SLC25A26: variants seen among roughly 807,000 people sequenced by gnomAD.
The protein encoded by SLC25A26 is mitochondrial S-adenosylmethionine carrier protein.
Under a neutral mutation model 37.8 loss-of-function variants are expected in SLC25A26, and 36 were observed. The ratio of observed to expected loss-of-function variants is 0.95; its 90% CI spans 0.73 to 1.26. The LOEUF (loss-of-function observed/expected upper bound fraction) is 1.26. Among genes scored for constraint, SLC25A26 ranks in the 50% most tolerant of loss-of-function variants. SLC25A26 has a pLI of 0.00. For synonymous variants in SLC25A26, 129 were observed against 122.5 expected (o/e 1.05, Z -0.35); for missense variants, 390 against 331.1 (o/e 1.18, Z -1.38).
intron 1 of SLC25A26, among the ~76,000 whole-genome samples, chr3:66,138,259 T>C (rs1172236249): frequency 2.0e-5 from 3 of 152,170 alleles, no homozygotes; most frequent in African/African-American, 7.2e-5. Context: ...GTATACATCG[T>C]ATACAATGTA....
At chr3:66,356,570 C>G (rs1575604391) in intron 6 of SLC25A26, among the ~76,000 whole-genome samples, 1 of 152,270 alleles carries the variant, frequency 6.6e-6, no homozygotes, top group African/African-American at 2.4e-5. Flanking sequence ...TTGTACCAAT[C>G]TCAGTCTTGT....
At chr3:66,332,476 C>G (rs2075999551) in intron 5 of SLC25A26, among the ~76,000 whole-genome samples, 1 of 151,436 alleles carries the variant, frequency 6.6e-6, no homozygotes, top group African/African-American at 2.4e-5. Flanking sequence ...AACTAAAGCA[C>G]TTTTTTTTTG....
At chr3:66,293,565 A>C (rs1470564603) in intron 5 of SLC25A26, among the ~76,000 whole-genome samples, 1 of 150,572 alleles carries the variant, frequency 6.6e-6, no homozygotes. Flanking sequence ...GATAGGCTGC[A>C]GTGTCTCTTA....
chr3:66,291,636 A>T (rs1253744424), intron 5 of SLC25A26, among the ~76,000 whole-genome samples: 1 of 152,150 alleles, frequency 6.6e-6, no homozygotes, highest in East Asian at 1.9e-4. Flanking sequence ...CTTAATCCTG[A>T]GTTCTAATTT....
At chr3:66,207,676 A>G (rs991059980) in intron 1 of SLC25A26, among the ~76,000 whole-genome samples, 1 of 152,260 alleles carries the variant, frequency 6.6e-6, no homozygotes, top group Non-Finnish European at 1.5e-5. Flanking sequence ...TTTTCTCATT[A>G]CAAAGTAGTC....
chr3:66,285,678 T>TC (rs1325086353), intron 5 of SLC25A26, among the ~76,000 whole-genome samples: 1 of 151,752 alleles, frequency 6.6e-6, no homozygotes, highest in Non-Finnish European at 1.5e-5. Context: ...AAGGCTGATC[T>TC]CCAACTCCTG....
At chr3:66,167,779 G>A (rs1457668500) in intron 1 of SLC25A26, among the ~76,000 whole-genome samples, 3 of 152,136 alleles carry the variant, frequency 2.0e-5, no homozygotes, top group Non-Finnish European at 4.4e-5. Context: ...TTAAGCTAAT[G>A]CATTTCATCT....
intron 1 of SLC25A26, among the ~76,000 whole-genome samples, chr3:66,231,980 A>G (rs532944969): frequency 6.6e-6 from 1 of 152,224 alleles, no homozygotes; most frequent in Non-Finnish European, 1.5e-5. Context: ...TTATTTGTGT[A>G]TAGCTTAATT....
intron 5 of SLC25A26, among the ~76,000 whole-genome samples, chr3:66,321,766 CTTATT>C (rs1172584695): frequency 8.7e-6 from 1 of 114,734 alleles, no homozygotes; most frequent in South Asian, 2.7e-4. Flanking sequence ...TTTTTTTTTT[CTTATT>C]TTGAGAGTGG....
rs1417828057 is a variant in SLC25A26 at position 66,208,972 on chromosome 3, G to GTATATATATA, written c.-353-11769_-353-11768insATATATATAT. ...TATATATATATACCCATATAAAGGT[G>GTATATATATA]TGTATATATATATATATTTATGTAC... On this transcript the variant is annotated intron_variant, in intron 1 of 10. Coordinates refer to the SLC25A26 transcript ENST00000676754. 1.9e-3 allele frequency among the ~76,000 whole-genome samples: 141 copies of GTATATATATA among 75,840 alleles called. 9 individuals are homozygous for GTATATATATA. The East Asian group carries it at 0.053, about 29-fold the overall frequency. 49.8% of individuals were successfully genotyped at this position (75,840 alleles called of 152,430 possible).
intron 5 of SLC25A26, among the ~76,000 whole-genome samples, chr3:66,271,891 T>G (rs984742441): frequency 4.6e-5 from 7 of 152,138 alleles, no homozygotes; most frequent in Non-Finnish European, 1.0e-4. Flanking sequence ...TTCTGCCACC[T>G]TTGTTCTTTT....
intron 3 of SLC25A26, among the ~76,000 whole-genome samples, chr3:66,252,358 G>A (rs2073118508): frequency 6.6e-6 from 1 of 152,302 alleles, no homozygotes; most frequent in South Asian, 2.1e-4. Flanking sequence ...TTTTTGAGGA[G>A]CATATAAGTA....
chr3:66,165,272 C>A (rs1165777217), intron 1 of SLC25A26, among the ~76,000 whole-genome samples: 1 of 152,202 alleles, frequency 6.6e-6, no homozygotes, highest in Non-Finnish European at 1.5e-5. Flanking sequence ...CAGTTGACTG[C>A]AATGCTGGCT....
intron 1 of SLC25A26, among the ~76,000 whole-genome samples, chr3:66,222,566 TG>T (rs1168376373): frequency 6.6e-6 from 1 of 152,226 alleles, no homozygotes; most frequent in Non-Finnish European, 1.5e-5. Context: ...TGCCAGGAAC[TG>T]GGGTAAGCTC....
rs1287948003 is a variant in SLC25A26 at position 66,378,725 on chromosome 3, T to TTTTTC, written c.*923_*927dup. On this transcript the variant is annotated 3_prime_UTR_variant, in exon 10 of 10. Transcript: ENST00000354883. ...ATGTGATTTTGCTTCGCCTATTTTT[T>TTTTTC]TTTTCTTTTTTGGGGGAAGATAATT... The TTTTTC allele has an allele frequency of 6.6e-6, 1 of 152,594 alleles. No individual in the cohort carries two copies. Among genetic ancestry groups the TTTTTC allele is most frequent in the African/African-American group, 2.4e-5 (1 of 41,434 alleles). The allele number at this position is 152,594 out of a possible 1,614,324, so 9.5% of individuals were successfully genotyped here.
At chr3:66,274,696 A>G (rs1390347495) in intron 5 of SLC25A26, among the ~76,000 whole-genome samples, 4 of 152,306 alleles carry the variant, frequency 2.6e-5, no homozygotes, top group South Asian at 2.1e-4. Context: ...CAAAACCACA[A>G]TGAGATACCA....
chr3:66,325,367 A>G lies in SLC25A26; in HGVS notation c.454-20997A>G, dbSNP rs1019932427. 6.6e-5 allele frequency among the ~76,000 whole-genome samples: 10 copies of G among 152,312 alleles called. 1 individual carries two copies. The highest frequency in any genetic ancestry group is 6.8e-3 in the Middle Eastern group (2 of 294). On this transcript the variant is annotated intron_variant, in intron 5 of 9. Transcript: ENST00000354883. The stretch of plus-strand genomic sequence containing the variant: ...GGATTCATTTACAAAGGCATATTCA[A>G]TCTTTCATATGTACCAGGTACTATG...
intron 3 of SLC25A26, among the ~76,000 whole-genome samples, chr3:66,254,992 A>G (rs2073244100): frequency 6.6e-6 from 1 of 152,192 alleles, no homozygotes. Flanking sequence ...GTGTTGAAGG[A>G]AGGGAACTTG....
At chr3:66,349,852 T>A (rs1015443501) in intron 6 of SLC25A26, among the ~76,000 whole-genome samples, 1 of 152,176 alleles carries the variant, frequency 6.6e-6, no homozygotes, top group Admixed American at 6.5e-5. Flanking sequence ...TTGCTCTACA[T>A]CCATGTCATT....
Sources: gnomAD v4.1 joint callset for allele counts (sites outside exome capture counted in the v4.1 genomes callset) on GRCh38, gnomAD v4.1.1 for gene constraint, MANE v1.5 for transcripts, NCBI Gene and HGNC (gene_info 2026-07-23, HGNC 2026-07-21) for gene names.